The following ENTREP2 variants were observed in gnomAD, a reference collection of about 807,000 sequenced individuals.
ENTREP2 encodes endosomal transmembrane epsin interactor 2.
chr15:29,148,938 A>T, the ENTREP2 span, among the ~76,000 whole-genome samples: 1 of 150,974 alleles, frequency 6.6e-6, no homozygotes, highest in Non-Finnish European at 1.5e-5. Context: ...GTGCAATGGC[A>T]CAGTCTTGGC....
the ENTREP2 span, among the ~76,000 whole-genome samples, chr15:29,586,911 A>G: frequency 6.6e-6 from 1 of 152,286 alleles, no homozygotes; most frequent in Admixed American, 6.5e-5. Flanking sequence ...TGATTCTGGT[A>G]GTATTAGTAT....
the ENTREP2 span, among the ~76,000 whole-genome samples, chr15:29,300,085 G>A: frequency 0.16 from 24,074 of 149,220 alleles, 3,214 homozygotes; most frequent in African/African-American, 0.38. Context: ...AGATGGATGG[G>A]TAAATGAATG....
the ENTREP2 span, chr15:29,234,644 G>T: frequency 6.4e-7 from 1 of 1,560,088 alleles, no homozygotes; most frequent in Non-Finnish European, 8.8e-7. Flanking sequence ...CCACCTACCA[G>T]TTCTATCTTC....
the ENTREP2 span, among the ~76,000 whole-genome samples, chr15:29,490,694 G>A: frequency 2.0e-5 from 3 of 152,210 alleles, no homozygotes; most frequent in African/African-American, 7.2e-5. Context: ...GCACTGATTG[G>A]TGCATTTACA....
the ENTREP2 span, among the ~76,000 whole-genome samples, chr15:29,300,203 G>A: frequency 6.7e-6 from 1 of 150,038 alleles, no homozygotes; most frequent in Non-Finnish European, 1.5e-5. Context: ...TAGGTAGGTG[G>A]GTGGGTGGGT....
chr15:29,201,565 T>C, the ENTREP2 span, among the ~76,000 whole-genome samples: 3 of 152,254 alleles, frequency 2.0e-5, no homozygotes, highest in Non-Finnish European at 4.4e-5. Flanking sequence ...GTTGATATGA[T>C]AGAATAAATT....
the ENTREP2 span, among the ~76,000 whole-genome samples, chr15:29,142,790 C>G: frequency 6.6e-6 from 1 of 152,090 alleles, no homozygotes; most frequent in Non-Finnish European, 1.5e-5. Flanking sequence ...ATTCCTGAGG[C>G]TGCAGCAGCT....
At chr15:29,487,519 C>CT in the ENTREP2 span, among the ~76,000 whole-genome samples, 1 of 152,216 alleles carries the variant, frequency 6.6e-6, no homozygotes, top group Non-Finnish European at 1.5e-5. Context: ...AAGGAAATCT[C>CT]TTTGACAGCA....
the ENTREP2 span, among the ~76,000 whole-genome samples, chr15:29,138,611 TTGTA>T: frequency 8.8e-4 from 134 of 151,596 alleles, no homozygotes; most frequent in Non-Finnish European, 1.3e-3. Context: ...ATGTGTGTGT[TTGTA>T]TGTATGTGTA....
the ENTREP2 span, among the ~76,000 whole-genome samples, chr15:29,393,988 G>T: frequency 1.8e-4 from 27 of 152,150 alleles, no homozygotes; most frequent in African/African-American, 6.5e-4. Flanking sequence ...TAATTCAGTA[G>T]CTTTCCTACA....
chr15:29,188,668 G>T, the ENTREP2 span, among the ~76,000 whole-genome samples: 2 of 152,126 alleles, frequency 1.3e-5, no homozygotes, highest in African/African-American at 2.4e-5. Context: ...TAAATCCTTT[G>T]GAATTTCCTG....
chr15:29,185,094 A>C, the ENTREP2 span, among the ~76,000 whole-genome samples: 1 of 151,752 alleles, frequency 6.6e-6, no homozygotes, highest in Non-Finnish European at 1.5e-5. Flanking sequence ...AAAAAAAAAA[A>C]GTTATTAGCT....
At chr15:29,295,060 CAG>C in the ENTREP2 span, among the ~76,000 whole-genome samples, 1 of 152,186 alleles carries the variant, frequency 6.6e-6, no homozygotes, top group Admixed American at 6.5e-5. Flanking sequence ...AACAGGGTGA[CAG>C]GGGTCAGTTC....
chr15:29,387,926 C>A, the ENTREP2 span, among the ~76,000 whole-genome samples: 167 of 152,332 alleles, frequency 1.1e-3, 1 homozygote, highest in East Asian at 0.02. Flanking sequence ...ACGTAGAAAG[C>A]TGAAACTGGA....
the ENTREP2 span, among the ~76,000 whole-genome samples, chr15:29,435,776 T>C: frequency 1.3e-5 from 2 of 152,024 alleles, no homozygotes; most frequent in Non-Finnish European, 2.9e-5. Context: ...GCTCTTTCAC[T>C]GTGGTTGAAA....
At chr15:29,522,297 A>G in the ENTREP2 span, among the ~76,000 whole-genome samples, 1 of 152,232 alleles carries the variant, frequency 6.6e-6, no homozygotes, top group Non-Finnish European at 1.5e-5. Context: ...GAATGAAAAT[A>G]CAAGACACAT....
chr15:29,268,458 C>T, the ENTREP2 span: 1 of 282,054 alleles, frequency 3.5e-6, no homozygotes, highest in Non-Finnish European at 6.5e-6. Context: ...TTTTTATTTT[C>T]TTGGCACCAA....
chr15:29,248,139 T>A, the ENTREP2 span, among the ~76,000 whole-genome samples: 1 of 152,232 alleles, frequency 6.6e-6, no homozygotes, highest in African/African-American at 2.4e-5. Context: ...AGGGAAATAC[T>A]AGAGTATTCA....
the ENTREP2 span, among the ~76,000 whole-genome samples, chr15:29,158,962 A>G: frequency 1.3e-5 from 2 of 152,352 alleles, no homozygotes; most frequent in Non-Finnish European, 1.5e-5. Flanking sequence ...TAAGATTAAC[A>G]GAGAAAAGCG....
Sources: gnomAD v4.1 joint callset for allele counts (sites outside exome capture counted in the v4.1 genomes callset) on GRCh38, gnomAD v4.1.1 for gene constraint, MANE v1.5 for transcripts, NCBI Gene and HGNC (gene_info 2026-07-23, HGNC 2026-07-21) for gene names.